Variants in UBN1 observed in about 807,000 individuals in gnomAD.
UBN1 encodes ubinuclein 1.
Under a neutral mutation model 108.5 loss-of-function variants are expected in UBN1, and 17 were observed. The observed-to-expected ratio is 0.16, with a 90% CI of 0.11 to 0.24. The LOEUF (loss-of-function observed/expected upper bound fraction) is 0.24. Ranked by LOEUF, UBN1 falls within the 10% of genes least tolerant of loss-of-function variation. The probability of loss-of-function intolerance (pLI) is 1.00; values close to 1 mark genes in which losing one functional copy is unlikely to be tolerated. For synonymous variants in UBN1, 726 were observed against 564.2 expected (o/e 1.29, Z -4.07); for missense variants, 1,595 against 1,394.4 (o/e 1.14, Z -2.29).
At chr16:4,855,635 A>G (rs2086773177) in intron 2 of UBN1, among the ~76,000 whole-genome samples, 1 of 148,670 alleles carries the variant, frequency 6.7e-6, no homozygotes, top group African/African-American at 2.5e-5. Flanking sequence ...AAAAGGCTGG[A>G]AGGCCTGGCG....
chr16:4,880,052 T>G, intron 17 of UBN1, 31 bp from the exon 18 acceptor site: 1 of 1,613,450 alleles, frequency 6.2e-7, no homozygotes, highest in Non-Finnish European at 8.5e-7. Flanking sequence ...CATGAAAAAC[T>G]TGCGTTCTAA....
intron 10 of UBN1, 25 bp downstream of exon 10, chr16:4,870,659 G>A (rs765491167): frequency 6.2e-7 from 1 of 1,613,566 alleles, no homozygotes; most frequent in Non-Finnish European, 8.5e-7. Context: ...GCGCTTGCAG[G>A]TGCAACCCTC....
At position 4,874,611 on chromosome 16, in the gene UBN1, C is replaced by T. The variant is rs1273951830; in HGVS notation, c.2201C>T (p.Ser734Leu). ...CCACCACCAGCTAGCTCTCTGCAGT[C>T]ACCCCTCAATTTTCTGGCAGAACAG... ...SAPPPASSLQSPLNFLAEQAL... is the reference protein window; with the variant it reads ...SAPPPASSLQLPLNFLAEQAL... The change falls in exon 15 of 18, where the codon TCA (serine) becomes TTA (leucine). Residue 734 changes from serine (S) to leucine (L), a missense_variant. Transcript: ENST00000262376. 1 of 1,614,080 alleles carries T rather than the reference C, an allele frequency of 6.2e-7. No individual in the cohort carries two copies. Among genetic ancestry groups the T allele is most frequent in the Non-Finnish European group, 8.5e-7 (1 of 1,180,054 alleles).
rs928793331 is a variant in UBN1, at chr16:4,858,627, T to C, written c.396T>C (p.Tyr132=). ...ACTTGATCGATATGGGGTATGGTTA[T>C]GATGAATCCGACTCCTTCATCGATA... The part of the protein sequence containing the change: ...IQDLIDMGYG[Y]DESDSFIDNS... The change falls in exon 4 of 18, where the codon TAT becomes TAC. Residue 132 remains tyrosine, a synonymous_variant. Transcript: ENST00000262376. 9 of 1,614,088 alleles carry C rather than the reference T, an allele frequency of 5.6e-6. No individual in the cohort carries two copies. Among genetic ancestry groups the C allele is most frequent in the African/African-American group, 2.7e-5 (2 of 74,930 alleles).
intron 7 of UBN1, among the ~76,000 whole-genome samples, chr16:4,861,900 C>T (rs959829681): frequency 6.6e-6 from 1 of 152,150 alleles, no homozygotes; most frequent in African/African-American, 2.4e-5. Flanking sequence ...GGAGATTGCG[C>T]CAGTGCACTC....
chr16:4,860,388 C>A (rs962661628), intron 6 of UBN1, among the ~76,000 whole-genome samples: 1 of 152,228 alleles, frequency 6.6e-6, no homozygotes, highest in African/African-American at 2.4e-5. Context: ...CTCCCTGCCC[C>A]TTTTTGCAAC....
chr16:4,858,158 T>C (rs752494149), intron 3 of UBN1, 82 bp downstream of exon 3: 4 of 905,896 alleles, frequency 4.4e-6, no homozygotes, highest in Non-Finnish European at 7.2e-6. Context: ...TGGATCATCA[T>C]GTAATAAACA....
At chr16:4,852,171 G>A (rs547129065) in intron 1 of UBN1, 8 of 152,324 alleles carry the variant, frequency 5.3e-5, no homozygotes, top group African/African-American at 1.9e-4. Flanking sequence ...AATTGTATAC[G>A]AAGTAAGCAG....
chr16:4,851,629 G>A (rs1409925116), intron 1 of UBN1, among the ~76,000 whole-genome samples: 1 of 152,020 alleles, frequency 6.6e-6, no homozygotes, highest in Admixed American at 6.6e-5. Context: ...GACCAGCCTG[G>A]GCAACATAGT....
intron 14 of UBN1, 104 bp downstream of exon 14, chr16:4,873,177 C>G: frequency 1.4e-6 from 2 of 1,476,624 alleles, no homozygotes; most frequent in Admixed American, 3.5e-5. Flanking sequence ...CTTTGCTCGT[C>G]TGGGGACAGC....
At position 4,874,898 on chromosome 16, in the gene UBN1, C is replaced by G. The variant is rs767598295; in HGVS notation, c.2488C>G (p.Pro830Ala). The G allele has an allele frequency of 6.2e-7, 1 of 1,614,150 alleles. No individual in the cohort carries two copies. The highest frequency in any genetic ancestry group is 1.3e-5 in the African/African-American group (1 of 75,068). ...TCCATTTGCCAATAAGCTCCAAGGC[C>G]CAAAGGCTTCTCCCACACAGTGTCA... ...PSPFANKLQG[P>A]KASPTQCHRS... The change falls in exon 15 of 18, where the codon CCA becomes GCA. Residue 830 changes from proline to alanine, a missense_variant. Around this residue, in one of 3 missense-constraint regions of UBN1, gnomAD observed 1,398 missense variants for 1,194.7 expected, o/e 1.17. Coordinates refer to ENST00000262376, the MANE Select transcript of UBN1 (RefSeq NM_001079514.3).
chr16:4,875,054 G>A lies in UBN1; in HGVS notation c.2644G>A (p.Ala882Thr), dbSNP rs776872588. 1.2e-6 allele frequency: 2 copies of A among 1,613,916 alleles called. No homozygotes were observed. The highest frequency in any genetic ancestry group is 1.7e-5 in the Admixed American group (1 of 60,034). ...SHKTPASSSS[A>T]LSHPAKPHSV... ...CAAGACCCCAGCCTCGTCCTCTTCT[G>A]CCCTGAGCCATCCAGCAAAGCCACA... The change falls in exon 15 of 18, where the codon GCC becomes ACC. Residue 882 changes from alanine (A) to threonine (T), a missense_variant. Ala to Thr is a moderately conservative substitution (Grantham distance 58). Transcript: ENST00000262376.
chr16:4,874,973 C>T lies in UBN1; in HGVS notation c.2563C>T (p.His855Tyr), dbSNP rs745604091. ...GACAGCGGCCAAAGGCCAGGGCTTCCATCCCTCTGCACCAGCCACCTCAGG... is the reference window on the plus strand; with the variant it reads ...GACAGCGGCCAAAGGCCAGGGCTTCTATCCCTCTGCACCAGCCACCTCAGG... ...VKTAAKGQGF[H>Y]PSAPATSGGL... Residue 855 changes from histidine (H) to tyrosine (Y), a missense_variant, in exon 15 of 18, where the codon CAT becomes TAT. By Grantham distance (83) the His-to-Tyr change is moderately conservative. This residue lies in a region of UBN1 where 1,398 missense variants were observed against 1,194.7 expected (regional missense o/e 1.17). Coordinates refer to ENST00000262376, the MANE Select transcript of UBN1 (RefSeq NM_001079514.3). 6.2e-7 allele frequency: 1 copy of T among 1,614,162 alleles called. No homozygotes were observed. Among genetic ancestry groups the T allele is most frequent in the Non-Finnish European group, 8.5e-7 (1 of 1,180,048 alleles).
intron 2 of UBN1, among the ~76,000 whole-genome samples, chr16:4,854,340 T>TTTGTTGTTGTTG (rs35003213): frequency 9.9e-4 from 147 of 148,538 alleles, no homozygotes; most frequent in African/African-American, 2.9e-3. Context: ...GCCTCTCTTT[T>TTTGTTGTTGTTG]TTGTTGTTGT....
rs2087819672 is a variant in UBN1 at position 4,875,139 on chromosome 16, A to G, written c.2729A>G (p.Lys910Arg). The G allele has an allele frequency of 4.3e-6, 7 of 1,614,172 alleles. No homozygotes were observed. The highest frequency in any genetic ancestry group is 5.9e-6 in the Non-Finnish European group (7 of 1,180,036). ...AATCCCTTTGCCAGCTCAATCTCCA[A>G]ACATGGGGTTTCTTCTGGCAGCTCT... is the stretch of plus-strand genomic sequence containing the variant. ...KNNPFASSIS[K>R]HGVSSGSSSS... Residue 910 changes from lysine to arginine, a missense_variant, in exon 15 of 18, where the codon AAA becomes AGA. Lys to Arg is a conservative substitution (Grantham distance 26). Around this residue, in one of 3 missense-constraint regions of UBN1, gnomAD observed 1,398 missense variants for 1,194.7 expected, o/e 1.17. Coordinates refer to ENST00000262376, the MANE Select transcript of UBN1 (RefSeq NM_001079514.3).
rs757708013 is a variant in UBN1 at position 4,870,473 on chromosome 16, G to A, written c.1312-43G>A. 9.3e-6 allele frequency: 15 copies of A among 1,613,546 alleles called. No homozygotes were observed. The Admixed American group carries it at 2.0e-4, about 22-fold the overall frequency. ...CCCATCATGCGTCCTGAGCGTAAGA[G>A]CGATGTGTAAACCTGCCTTGAATTG... On this transcript the variant is annotated intron_variant, in intron 9 of 17. Transcript: ENST00000262376.
Position 4,855,121 on chromosome 16 carries a change from GCA to G in UBN1, c.249+1956_249+1957del, listed in dbSNP as rs1266558446. Among the ~76,000 whole-genome samples, 404 of 152,268 alleles carry G rather than the reference GCA, an allele frequency of 2.7e-3. 1 individual carries two copies. Among genetic ancestry groups the G allele is most frequent in the South Asian group, 7.5e-3 (36 of 4,816 alleles). ...CACACTCGCAGCATTGTGGTCTCTA[GCA>G]TGTCTCTTAGTGAAATGGGGATGAG... On this transcript the variant is annotated intron_variant, in intron 2 of 17. Transcript: ENST00000262376.
chr16:4,877,733 G>T lies in UBN1; in HGVS notation c.3355+259G>T. On this transcript the variant is annotated intron_variant, in intron 17 of 17. Transcript: ENST00000262376. The surrounding 1 kb of genome is among the most constrained non-coding windows in gnomAD (Gnocchi z 4.3). ...TCACAGGGAAAGTTGCGGGGGGCAG[G>T]GTGGTGCGCTTTTGTGTGCGGTGGA... is the stretch of plus-strand genomic sequence containing the variant. The T allele has an allele frequency of 1.7e-6, 2 of 1,204,152 alleles. No individual in the cohort carries two copies. The highest frequency in any genetic ancestry group is 2.1e-6 in the Non-Finnish European group (2 of 970,394). 74.6% of individuals were successfully genotyped at this position (1,204,152 alleles called of 1,614,324 possible).
In UBN1 at chr16:4,872,277, C is replaced by T; in HGVS notation, c.1707-607C>T. ...ACATTTTATTCCTGGAATGGAGGGA[C>T]TAGGCAATAAGGAAAGTGCTGTGCC... is the stretch of plus-strand genomic sequence containing the variant. On this transcript the variant is annotated intron_variant, in intron 12 of 17. Coordinates refer to ENST00000262376, the MANE Select transcript of UBN1 (RefSeq NM_001079514.3). The T allele has an allele frequency of 3.0e-6, 3 of 985,276 alleles. No individual in the cohort carries two copies. The South Asian group carries it at 1.4e-4, about 46-fold the overall frequency. 61.0% of individuals were successfully genotyped at this position (985,276 alleles called of 1,614,324 possible).
Sources: gnomAD v4.1 joint callset for allele counts (sites outside exome capture counted in the v4.1 genomes callset) on GRCh38, gnomAD v4.1.1 for gene constraint, gnomAD v4.1.1 regional missense constraint, Gnocchi (gnomAD v3.1) non-coding constraint, MANE v1.5 for transcripts, NCBI Gene and HGNC (gene_info 2026-07-23, HGNC 2026-07-21) for gene names.